ALDH1A2: variants seen among roughly 807,000 people sequenced by gnomAD.
ALDH1A2 encodes the protein aldehyde dehydrogenase 1 family member A2, also known as retinal dehydrogenase 2.
ALDH1A2 carries 27 observed loss-of-function variants against 60.3 expected under a neutral mutation model. The observed-to-expected ratio is 0.45, with a 90% CI of 0.33 to 0.62. The LOEUF (loss-of-function observed/expected upper bound fraction) is 0.62, where lower values mean the gene tolerates loss of function less well. Among genes scored for constraint, ALDH1A2 ranks in the 20% least tolerant of loss-of-function variants. The pLI, the probability that ALDH1A2 is intolerant of heterozygous loss-of-function variation, is 0.02. For missense variants in ALDH1A2, 581 were observed against 643.8 expected (o/e 0.90, Z 1.06); for synonymous variants, 289 against 232.4 (o/e 1.24, Z -2.21).
chr15:58,035,039 T>G (rs574772223), intron 1 of ALDH1A2, among the ~76,000 whole-genome samples: 1 of 151,670 alleles, frequency 6.6e-6, no homozygotes, highest in Non-Finnish European at 1.5e-5. Context: ...CTGTAGATAA[T>G]TGGTATGTTT....
intron 1 of ALDH1A2, chr15:58,036,643 C>A (rs902198129): frequency 6.6e-6 from 1 of 151,548 alleles, no homozygotes; most frequent in Admixed American, 6.6e-5. Flanking sequence ...ATACTAAAGG[C>A]CTCTTCTGAG....
intron 1 of ALDH1A2, among the ~76,000 whole-genome samples, chr15:58,039,668 T>G (rs1001320940): frequency 2.0e-5 from 3 of 151,878 alleles, no homozygotes; most frequent in African/African-American, 4.8e-5. Context: ...CATGTCACCT[T>G]TCATTTTTGT....
At chr15:58,035,459 T>G (rs1896354883) in intron 1 of ALDH1A2, among the ~76,000 whole-genome samples, 1 of 55,808 alleles carries the variant, frequency 1.8e-5, no homozygotes, top group Non-Finnish European at 5.9e-5. Context: ...TGCTATAATT[T>G]TTGTTATTTT....
At position 57,979,396 on chromosome 15, in the gene ALDH1A2, C is replaced by T. The variant is rs949561700; in HGVS notation, c.798+13309G>A. On this transcript the variant is annotated intron_variant, in intron 7 of 12. Coordinates refer to ENST00000249750, the MANE Select transcript of ALDH1A2 (RefSeq NM_003888.4). ...AAGAGGCAAGGCAACTGGAAACCTC[C>T]GGGTACTGGTTCCCTCCAAGCCCAG... 1.4e-4 allele frequency among the ~76,000 whole-genome samples: 21 copies of T among 152,322 alleles called. 1 individual carries two copies. The highest frequency in any genetic ancestry group is 2.6e-4 in the Non-Finnish European group (18 of 68,020).
At chr15:58,001,727 C>T (rs1192551222) in intron 4 of ALDH1A2, among the ~76,000 whole-genome samples, 2 of 151,872 alleles carry the variant, frequency 1.3e-5, no homozygotes, top group African/African-American at 4.8e-5. Flanking sequence ...AGCTCAACAG[C>T]CTGATATAAA....
chr15:57,958,992 A>G lies in ALDH1A2; in HGVS notation c.1484+1778T>C, dbSNP rs559914956. 3.9e-5 allele frequency among the ~76,000 whole-genome samples: 6 copies of G among 152,312 alleles called. No individual in the cohort carries two copies. In the South Asian group the frequency reaches 1.2e-3, roughly 32 times the overall value. On this transcript the variant is annotated intron_variant, in intron 12 of 12. Transcript: ENST00000249750. Reference sequence around the variant, plus strand: ...TCTTGAGCACTGTTATATGAGGTTCAGATAGAGCCAAACTGTCTCCTGGAC... The same window carrying G: ...TCTTGAGCACTGTTATATGAGGTTCGGATAGAGCCAAACTGTCTCCTGGAC...
chr15:58,045,359 A>G (rs1219628648), intron 1 of ALDH1A2, among the ~76,000 whole-genome samples: 1 of 152,090 alleles, frequency 6.6e-6, no homozygotes, highest in African/African-American at 2.4e-5. Context: ...ATCTAGAACT[A>G]GAAATACCGT....
chr15:57,988,992 C>G (rs1894804700), intron 7 of ALDH1A2, among the ~76,000 whole-genome samples: 1 of 144,556 alleles, frequency 6.9e-6, no homozygotes, highest in Admixed American at 7.0e-5. Flanking sequence ...CATGGTGAAA[C>G]CCCATCTCTA....
At chr15:58,008,067 G>A (rs1895515667) in intron 4 of ALDH1A2, among the ~76,000 whole-genome samples, 2 of 152,038 alleles carry the variant, frequency 1.3e-5, no homozygotes, top group African/African-American at 4.8e-5. Context: ...AACTGGAAAA[G>A]AGAGGACAGC....
intron 1 of ALDH1A2, among the ~76,000 whole-genome samples, chr15:58,038,177 C>T (rs1896424577): frequency 6.6e-6 from 1 of 151,716 alleles, no homozygotes; most frequent in South Asian, 2.1e-4. Flanking sequence ...ACAGTATTTA[C>T]TCAGTGTCTT....
intron 1 of ALDH1A2, among the ~76,000 whole-genome samples, chr15:58,016,776 C>T (rs545808972): frequency 7.9e-5 from 12 of 152,136 alleles, no homozygotes; most frequent in Admixed American, 5.9e-4. Flanking sequence ...AAAAAAATTA[C>T]GAAATTGCCT....
intron 1 of ALDH1A2, among the ~76,000 whole-genome samples, chr15:58,040,821 CT>C (rs1896503621): frequency 6.6e-6 from 1 of 151,874 alleles, no homozygotes; most frequent in South Asian, 2.1e-4. Context: ...GCTCTAGACA[CT>C]TTTTACACAT....
In ALDH1A2 at chr15:58,065,701, G is replaced by A. The variant is rs771312771; in HGVS notation, c.-51C>T. On this transcript the variant is annotated 5_prime_UTR_variant, in exon 1 of 13. Transcript: ENST00000249750. ...CGCGGCGTGGGGCAGTGCGGGCTGT[G>A]CGCGCGGTCCGCGGCCCGGGGGCGC... The A allele has an allele frequency of 1.3e-5, 17 of 1,344,002 alleles. No individual in the cohort carries two copies. The African/African-American group carries it at 2.1e-4, about 17-fold the overall frequency. The allele number at this position is 1,344,002 out of a possible 1,614,324, so 83.3% of individuals were successfully genotyped here.
chr15:58,013,768 A>AAAAAT (rs1294964311), intron 3 of ALDH1A2, 90 bp downstream of exon 3: 2 of 1,508,540 alleles, frequency 1.3e-6, no homozygotes, highest in Non-Finnish European at 8.9e-7. Context: ...TAAAATAAAT[A>AAAAAT]AAAATAAAAT....
chr15:58,003,095 A>G (rs1249160308), intron 4 of ALDH1A2, among the ~76,000 whole-genome samples: 1 of 151,910 alleles, frequency 6.6e-6, no homozygotes, highest in African/African-American at 2.4e-5. Flanking sequence ...ATTCCACTAC[A>G]TGATCGTAAC....
chr15:57,968,538 C>G (rs1273785075), intron 7 of ALDH1A2, among the ~76,000 whole-genome samples: 1 of 152,224 alleles, frequency 6.6e-6, no homozygotes, highest in African/African-American at 2.4e-5. Flanking sequence ...CACATACCAT[C>G]AAAATCTTAT....
intron 1 of ALDH1A2, among the ~76,000 whole-genome samples, chr15:58,049,334 A>G (rs1170382995): frequency 4.6e-5 from 7 of 152,114 alleles, no homozygotes; most frequent in African/African-American, 1.7e-4. Flanking sequence ...TGTGTCATTT[A>G]AACTTTCTGT....
At chr15:58,000,579 A>T (rs1243237914) in intron 4 of ALDH1A2, among the ~76,000 whole-genome samples, 4 of 151,984 alleles carry the variant, frequency 2.6e-5, no homozygotes, top group Non-Finnish European at 5.9e-5. Context: ...AACAGGTTTC[A>T]TGGGCTGGTA....
intron 1 of ALDH1A2, among the ~76,000 whole-genome samples, chr15:58,026,921 A>G (rs568553150): frequency 6.6e-6 from 1 of 152,236 alleles, no homozygotes; most frequent in Non-Finnish European, 1.5e-5. Flanking sequence ...CTGCCTCTCT[A>G]GACTCCACCT....
Sources: gnomAD v4.1 joint callset for allele counts (sites outside exome capture counted in the v4.1 genomes callset) on GRCh38, gnomAD v4.1.1 for gene constraint, MANE v1.5 for transcripts, NCBI Gene and HGNC (gene_info 2026-07-23, HGNC 2026-07-21) for gene names.